WWOX: variants seen among roughly 807,000 people sequenced by gnomAD.
The protein encoded by WWOX is WW domain containing oxidoreductase, also known as WW domain-containing oxidoreductase.
Under a neutral mutation model 46.2 loss-of-function variants are expected in WWOX, and 69 were observed. The ratio of observed to expected loss-of-function variants is 1.49; its 90% CI spans 1.23 to 1.82. The LOEUF (loss-of-function observed/expected upper bound fraction) is 1.82, where lower values mean the gene tolerates loss of function less well. Ranked by LOEUF, WWOX falls within the 40% of genes most tolerant of loss-of-function variation. The pLI is 0.00. For missense variants in WWOX, 919 were observed against 542.6 expected (o/e 1.69, Z -6.89); for synonymous variants, 359 against 202.6 (o/e 1.77, Z -6.56).
At chr16:78,790,641 C>G (rs1460780412) in intron 8 of WWOX, among the ~76,000 whole-genome samples, 2 of 152,054 alleles carry the variant, frequency 1.3e-5, no homozygotes, top group Admixed American at 1.3e-4. Flanking sequence ...CTTTCTTCAC[C>G]CATGCCTTGG....
intron 8 of WWOX, among the ~76,000 whole-genome samples, chr16:78,867,791 C>T (rs1036009005): frequency 2.6e-5 from 4 of 152,112 alleles, no homozygotes; most frequent in Non-Finnish European, 5.9e-5. Flanking sequence ...CAATCTGAGG[C>T]CTTTTCTGAC....
At chr16:78,366,418 A>G (rs1272593834) in intron 5 of WWOX, among the ~76,000 whole-genome samples, 1 of 152,192 alleles carries the variant, frequency 6.6e-6, no homozygotes, top group Non-Finnish European at 1.5e-5. Context: ...AGTGGGTGAT[A>G]AAACAACAGA....
At chr16:78,107,656 G>C in intron 1 of WWOX, among the ~76,000 whole-genome samples, 1 of 152,102 alleles carries the variant, frequency 6.6e-6, no homozygotes, top group East Asian at 1.9e-4. Flanking sequence ...GAAACACTTT[G>C]AAGTTACATC....
intron 8 of WWOX, among the ~76,000 whole-genome samples, chr16:79,156,284 C>G (rs928451010): frequency 1.3e-5 from 2 of 152,194 alleles, no homozygotes; most frequent in African/African-American, 2.4e-5. Flanking sequence ...ACGTCAACCT[C>G]CAGAATAGCT....
chr16:78,580,071 G>A (rs987543927), intron 8 of WWOX, among the ~76,000 whole-genome samples: 1 of 148,040 alleles, frequency 6.8e-6, no homozygotes, highest in South Asian at 2.2e-4. Flanking sequence ...CTTTGACAGA[G>A]GAAATTTTTT....
intron 8 of WWOX, among the ~76,000 whole-genome samples, chr16:78,994,144 TA>T (rs1204739143): frequency 6.6e-6 from 1 of 152,218 alleles, no homozygotes; most frequent in Non-Finnish European, 1.5e-5. Context: ...CGAGGGAAAT[TA>T]ATCAAAACCC....
intron 8 of WWOX, among the ~76,000 whole-genome samples, chr16:78,645,376 C>T (rs999327202): frequency 6.6e-6 from 1 of 152,134 alleles, no homozygotes; most frequent in East Asian, 1.9e-4. Flanking sequence ...TCTTACCATT[C>T]TGGAGGTCAA....
chr16:78,250,732 G>T (rs1443943465), intron 5 of WWOX, among the ~76,000 whole-genome samples: 3 of 152,180 alleles, frequency 2.0e-5, no homozygotes, highest in Admixed American at 6.5e-5. Context: ...AAATGGTCCA[G>T]TGGCAGTAGG....
intron 5 of WWOX, among the ~76,000 whole-genome samples, chr16:78,324,055 C>T (rs1353797302): frequency 2.0e-5 from 3 of 152,036 alleles, no homozygotes; most frequent in African/African-American, 7.2e-5. Context: ...AATCAATTTA[C>T]AGGTAGTTTA....
At chr16:78,162,486 T>TATAC (rs1393353187) in intron 4 of WWOX, among the ~76,000 whole-genome samples, 1 of 151,768 alleles carries the variant, frequency 6.6e-6, no homozygotes, top group East Asian at 1.9e-4. Flanking sequence ...TATATATATA[T>TATAC]ACAAACGTAC....
chr16:78,386,063 A>G (rs1046488119), intron 5 of WWOX, among the ~76,000 whole-genome samples: 3 of 152,116 alleles, frequency 2.0e-5, no homozygotes, highest in Non-Finnish European at 2.9e-5. Context: ...GTTTCTTGCT[A>G]GGCGGGAACT....
chr16:78,794,718 T>C (rs1210290652), intron 8 of WWOX, among the ~76,000 whole-genome samples: 2 of 152,230 alleles, frequency 1.3e-5, no homozygotes, highest in Non-Finnish European at 1.5e-5. Flanking sequence ...ACTGTTATTA[T>C]TAGCTCTGCT....
At chr16:78,674,515 C>T (rs752160901) in intron 8 of WWOX, among the ~76,000 whole-genome samples, 21 of 152,070 alleles carry the variant, frequency 1.4e-4, no homozygotes, top group African/African-American at 2.7e-4. Flanking sequence ...AAACTCCTGA[C>T]GTCAGGTGAT....
intron 4 of WWOX, among the ~76,000 whole-genome samples, chr16:78,144,510 T>C (rs2034127285): frequency 2.5e-5 from 1 of 39,420 alleles, no homozygotes; most frequent in African/African-American, 8.9e-5. Flanking sequence ...CATATATATA[T>C]ATATATATAT....
chr16:78,536,230 C>G (rs13336831), intron 8 of WWOX, among the ~76,000 whole-genome samples: 1 of 152,158 alleles, frequency 6.6e-6, no homozygotes, highest in South Asian at 2.1e-4. Context: ...TTTGCCCCCA[C>G]CAAAATGAAG....
intron 8 of WWOX, among the ~76,000 whole-genome samples, chr16:78,582,444 T>A (rs1243532297): frequency 6.6e-6 from 1 of 152,248 alleles, no homozygotes; most frequent in African/African-American, 2.4e-5. Context: ...TCAAAAATTA[T>A]ATTTTTTATA....
chr16:78,419,443 A>G (rs1482405032), intron 6 of WWOX, among the ~76,000 whole-genome samples: 2 of 152,078 alleles, frequency 1.3e-5, no homozygotes, highest in South Asian at 2.1e-4. Flanking sequence ...ATAGATCTAT[A>G]GATAATAAAA....
intron 8 of WWOX, among the ~76,000 whole-genome samples, chr16:79,197,411 G>T (rs565056129): frequency 6.6e-6 from 1 of 152,282 alleles, no homozygotes; most frequent in Admixed American, 6.5e-5. Context: ...CTTGTGGTGA[G>T]AGTATTCATA....
chr16:78,908,874 T>C (rs924091421), intron 8 of WWOX, among the ~76,000 whole-genome samples: 5 of 152,200 alleles, frequency 3.3e-5, no homozygotes, highest in African/African-American at 1.2e-4. Flanking sequence ...CATAGTGACA[T>C]TATCCCCTGG....
Sources: gnomAD v4.1 joint callset for allele counts (sites outside exome capture counted in the v4.1 genomes callset) on GRCh38, gnomAD v4.1.1 for gene constraint, MANE v1.5 for transcripts, NCBI Gene and HGNC (gene_info 2026-07-23, HGNC 2026-07-21) for gene names.